AUTS2: variants seen among roughly 807,000 people sequenced by gnomAD.
AUTS2 encodes autism susceptibility gene 2 protein.
In AUTS2, 17 loss-of-function variants were observed where a neutral mutation model predicts 112.4. That is an observed-to-expected ratio of 0.15 (90% CI 0.10 to 0.23). The LOEUF (loss-of-function observed/expected upper bound fraction) is 0.23. Ranked by LOEUF, AUTS2 falls within the 10% of genes least tolerant of loss-of-function variation. The pLI is 1.00. For synonymous variants in AUTS2, 751 were observed against 702.7 expected, an observed-to-expected ratio of 1.07 and a Z score of -1.09; for missense variants, 1,510 against 1,701.6, an observed-to-expected ratio of 0.89 and a Z score of 1.98.
At chr7:69,942,327 T>C (rs957401014) in intron 2 of AUTS2, among the ~76,000 whole-genome samples, 4 of 152,198 alleles carry the variant, frequency 2.6e-5, no homozygotes, top group African/African-American at 9.7e-5. Context: ...TGAATATCAG[T>C]GATAATCATA....
chr7:70,785,876 C>T (rs757402316), intron 16 of AUTS2, 79 bp from the exon 17 acceptor site: 33 of 1,352,290 alleles, frequency 2.4e-5, no homozygotes, highest in African/African-American at 8.6e-5. Context: ...GATCCCGCAT[C>T]GCCCTGCTCC....
At chr7:69,858,085 C>A (rs1324629457) in intron 1 of AUTS2, among the ~76,000 whole-genome samples, 1 of 152,154 alleles carries the variant, frequency 6.6e-6, no homozygotes, top group Non-Finnish European at 1.5e-5. Flanking sequence ...GTTCTCCAGA[C>A]CCCCTAACCA....
chr7:69,702,989 A>T (rs1014455200), intron 1 of AUTS2, among the ~76,000 whole-genome samples: 1 of 152,218 alleles, frequency 6.6e-6, no homozygotes, highest in Non-Finnish European at 1.5e-5. Flanking sequence ...ACAAGTAACT[A>T]TTAGGTTGGT....
chr7:69,643,615 T>C lies in AUTS2; in HGVS notation c.309+43653T>C, dbSNP rs370678721. Among the ~76,000 whole-genome samples, 32 of 152,266 alleles carry C rather than the reference T, an allele frequency of 2.1e-4. 1 individual carries two copies. In the South Asian group the frequency reaches 3.5e-3, roughly 17 times the overall value. On this transcript the variant is annotated intron_variant, in intron 1 of 18. Coordinates refer to ENST00000342771, the MANE Select transcript of AUTS2 (RefSeq NM_015570.4). ...GAGGGCAGGGTTTGAGTTTGAGGGC[T>C]GTTCATTCTTCTGCCCGCCAACCCC...
intron 2 of AUTS2, among the ~76,000 whole-genome samples, chr7:70,050,399 G>A (rs1477331917): frequency 6.8e-6 from 1 of 147,786 alleles, no homozygotes; most frequent in South Asian, 2.2e-4. Context: ...TCCAAATAAT[G>A]GTCAAGGTTT....
chr7:70,785,312 A>G, intron 16 of AUTS2: 1 of 594,552 alleles, frequency 1.7e-6, no homozygotes, highest in African/African-American at 1.8e-5. Context: ...AGGGAATCCG[A>G]GTTTACAACA....
At chr7:70,303,840 T>G (rs1949804) in intron 4 of AUTS2, among the ~76,000 whole-genome samples, 9,637 of 152,216 alleles carry the variant, frequency 0.063, 364 homozygotes, top group Middle Eastern at 0.13. Flanking sequence ...TTTTTCTCAT[T>G]TTCTTTTAGA....
At chr7:70,388,421 C>T (rs1793707988) in intron 4 of AUTS2, among the ~76,000 whole-genome samples, 1 of 152,116 alleles carries the variant, frequency 6.6e-6, no homozygotes, top group Non-Finnish European at 1.5e-5. Flanking sequence ...AATTTTTTAA[C>T]TTCTATAAAA....
intron 2 of AUTS2, among the ~76,000 whole-genome samples, chr7:70,020,994 T>C (rs73160104): frequency 2.0e-4 from 30 of 151,414 alleles, no homozygotes; most frequent in Admixed American, 5.9e-4. Flanking sequence ...TTTCTTTTCT[T>C]TTCTTTTTTT....
intron 2 of AUTS2, among the ~76,000 whole-genome samples, chr7:70,010,174 C>T (rs1799730145): frequency 1.3e-5 from 2 of 151,932 alleles, no homozygotes; most frequent in South Asian, 4.2e-4. Flanking sequence ...GAGACAGGGT[C>T]TCATTCTGTT....
chr7:69,711,959 A>G (rs1798347818), intron 1 of AUTS2, among the ~76,000 whole-genome samples: 1 of 152,234 alleles, frequency 6.6e-6, no homozygotes, highest in Admixed American at 6.5e-5. Context: ...ACAACCAAGA[A>G]TAAACACAGC....
intron 1 of AUTS2, among the ~76,000 whole-genome samples, chr7:69,845,911 A>C (rs1792176014): frequency 6.6e-6 from 1 of 152,114 alleles, no homozygotes; most frequent in African/African-American, 2.4e-5. Flanking sequence ...CTGACTGTGG[A>C]CATTCTGGTT....
intron 5 of AUTS2, among the ~76,000 whole-genome samples, chr7:70,683,403 T>C (rs1245700742): frequency 6.6e-6 from 1 of 152,210 alleles, no homozygotes; most frequent in African/African-American, 2.4e-5. Flanking sequence ...AATACTGTAC[T>C]AGATGTTAAG....
At chr7:70,155,375 C>T (rs905010975) in intron 4 of AUTS2, among the ~76,000 whole-genome samples, 1 of 151,838 alleles carries the variant, frequency 6.6e-6, no homozygotes. Context: ...AATCAAGTTT[C>T]TGACTGCATG....
At chr7:70,537,103 C>T (rs1032574213) in intron 5 of AUTS2, among the ~76,000 whole-genome samples, 3 of 152,148 alleles carry the variant, frequency 2.0e-5, no homozygotes, top group African/African-American at 7.2e-5. Flanking sequence ...ATTTTAGCCC[C>T]ACTTTCAGAC....
chr7:69,873,641 A>G (rs1221515896), intron 1 of AUTS2, among the ~76,000 whole-genome samples: 1 of 152,178 alleles, frequency 6.6e-6, no homozygotes, highest in Non-Finnish European at 1.5e-5. Flanking sequence ...CTAGATTGGC[A>G]TTCATTTCTT....
chr7:70,441,685 T>G (rs1433784356), intron 5 of AUTS2, among the ~76,000 whole-genome samples: 3 of 152,198 alleles, frequency 2.0e-5, no homozygotes, highest in Non-Finnish European at 4.4e-5. Context: ...CCATGCCTGG[T>G]GTTCATTTTT....
chr7:69,926,445 G>GTCTATCTA (rs10677736), intron 2 of AUTS2, among the ~76,000 whole-genome samples: 9,506 of 123,072 alleles, frequency 0.077, 344 homozygotes, highest in Middle Eastern at 0.12. Flanking sequence ...CTGTCTGTCT[G>GTCTATCTA]TCTATCTATC....
intron 1 of AUTS2, among the ~76,000 whole-genome samples, chr7:69,710,222 G>A (rs1243841263): frequency 1.3e-5 from 2 of 152,172 alleles, no homozygotes; most frequent in East Asian, 3.9e-4. Flanking sequence ...CATTGTGAGA[G>A]CTATAGTTTG....
Sources: gnomAD v4.1 joint callset for allele counts (sites outside exome capture counted in the v4.1 genomes callset) on GRCh38, gnomAD v4.1.1 for gene constraint, MANE v1.5 for transcripts, NCBI Gene and HGNC (gene_info 2026-07-23, HGNC 2026-07-21) for gene names.